The following MACC1 variants were observed in gnomAD, a reference collection of about 807,000 sequenced individuals.
The protein encoded by MACC1 is MET transcriptional regulator MACC1, also known as metastasis-associated in colon cancer protein 1.
Under a neutral mutation model 70.7 loss-of-function variants are expected in MACC1, and 79 were observed. The observed-to-expected ratio is 1.12, with a 90% CI of 0.93 to 1.35. MACC1 has a LOEUF of 1.35. MACC1 is among the 40% of genes most tolerant of loss of function. The pLI, the probability that MACC1 is intolerant of heterozygous loss-of-function variation, is 0.00. For synonymous variants in MACC1, 361 were observed against 347.2 expected (o/e 1.04, Z -0.44); for missense variants, 1,106 against 978.1 (o/e 1.13, Z -1.74).
At chr7:20,147,490 T>C (rs550874767) in intron 6 of MACC1, 1 of 152,356 alleles carries the variant, frequency 6.6e-6, no homozygotes, top group African/African-American at 2.4e-5. Context: ...GCCTTCTTAA[T>C]GATTATTTCA....
intron 6 of MACC1, 94 bp downstream of exon 6, chr7:20,154,099 C>G (rs1459949641): frequency 1.6e-6 from 2 of 1,278,928 alleles, no homozygotes; most frequent in African/African-American, 1.5e-5. Flanking sequence ...GGACATTCCC[C>G]CAGTGAATCC....
rs558644185 is a variant in MACC1, at chr7:20,172,855, TG to T, written c.-217-2078del. 2.0e-3 allele frequency among the ~76,000 whole-genome samples: 306 copies of T among 152,326 alleles called. 1 individual carries two copies. The highest frequency in any genetic ancestry group is 7.1e-3 in the African/African-American group (296 of 41,570). On this transcript the variant is annotated intron_variant, in intron 1 of 6. Transcript: ENST00000400331. ...CTATCTCCTTGCTGAGAGCCTGTGCTGCTCTGGGGAAGCTAGTGGGTTCCTT... is the reference window on the plus strand; with the variant it reads ...CTATCTCCTTGCTGAGAGCCTGTGCTCTCTGGGGAAGCTAGTGGGTTCCTT...
intron 4 of MACC1, among the ~76,000 whole-genome samples, chr7:20,160,880 C>A (rs1290358155): frequency 6.6e-6 from 1 of 151,918 alleles, no homozygotes; most frequent in Non-Finnish European, 1.5e-5. Flanking sequence ...AAAAGGAATT[C>A]ATAAAATGAA....
At chr7:20,177,350 A>T (rs1166159034) in intron 1 of MACC1, among the ~76,000 whole-genome samples, 1 of 152,134 alleles carries the variant, frequency 6.6e-6, no homozygotes, top group African/African-American at 2.4e-5. Context: ...TAACTATTTT[A>T]TACCTGTTTA....
chr7:20,189,770 CACACAT>C (rs1554291005), intron 1 of MACC1, among the ~76,000 whole-genome samples: 1 of 151,860 alleles, frequency 6.6e-6, no homozygotes, highest in Admixed American at 6.6e-5. Context: ...CACACACACA[CACACAT>C]ACACAGAGAG....
In MACC1 at chr7:20,159,549, G is replaced by A. The variant is rs921153768; in HGVS notation, c.812C>T (p.Pro271Leu). Residue 271 changes from proline (P) to leucine (L), a missense_variant, in exon 5 of 7, where the codon CCG becomes CTG. Transcript: ENST00000400331. ...LNHDLSCTVSPLLEIMLGNLN... is the reference protein window; with the variant it reads ...LNHDLSCTVSLLLEIMLGNLN... ...GTTGCCTAACATGATTTCCAACAAC[G>A]GGCTCACAGTGCACGAAAGATCATG... 11 of 1,613,920 alleles carry A rather than the reference G, an allele frequency of 6.8e-6. No homozygotes were observed. The highest frequency in any genetic ancestry group is 5.3e-5 in the African/African-American group (4 of 74,894).
intron 2 of MACC1, among the ~76,000 whole-genome samples, chr7:20,167,605 A>T (rs1456500538): frequency 1.3e-5 from 2 of 151,206 alleles, no homozygotes; most frequent in Non-Finnish European, 2.9e-5. Context: ...AGGATACTAG[A>T]TACTAGCAAA....
In MACC1 at chr7:20,212,660, C is replaced by T. The variant is rs566755806; in HGVS notation, c.-218+4639G>A. ...AATTCCAATCCCACATGATTAACAA[C>T]ATAGTTTCCCTTTTCTGCTTGAAGG... is the stretch of plus-strand genomic sequence containing the variant. On this transcript the variant is annotated intron_variant, in intron 1 of 6. Transcript: ENST00000400331. Among the ~76,000 whole-genome samples the T allele has an allele frequency of 2.9e-4, 44 of 152,118 alleles. 1 individual carries two copies. The highest frequency in any genetic ancestry group is 3.4e-3 in the Middle Eastern group (1 of 294).
rs748424863 is a variant in MACC1, at chr7:20,165,042, C to T, written c.-152-643G>A. ...CATAAAAACCAGGAATGATGCCTTA[C>T]GCAGCTATGACCTTGAAGGATCATA... On this transcript the variant is annotated intron_variant, in intron 2 of 6. Coordinates refer to ENST00000400331, the MANE Select transcript of MACC1 (RefSeq NM_182762.4). 5.9e-5 allele frequency among the ~76,000 whole-genome samples: 9 copies of T among 152,096 alleles called. No homozygotes were observed. The South Asian group carries it at 6.2e-4, about 11-fold the overall frequency.
chr7:20,216,906 C>T (rs1783078835), intron 1 of MACC1, among the ~76,000 whole-genome samples: 1 of 152,164 alleles, frequency 6.6e-6, no homozygotes, highest in Non-Finnish European at 1.5e-5. Flanking sequence ...CTTTATCTAT[C>T]TTCAAAGCAC....
intron 1 of MACC1, among the ~76,000 whole-genome samples, chr7:20,209,292 A>G (rs35817736): frequency 0.017 from 2,605 of 152,348 alleles, 50 homozygotes; most frequent in Non-Finnish European, 0.024. Flanking sequence ...AGCCACAGAC[A>G]ATGCCAGCCT....
chr7:20,189,705 G>A (rs1782643375), intron 1 of MACC1, among the ~76,000 whole-genome samples: 1 of 150,938 alleles, frequency 6.6e-6, no homozygotes, highest in Non-Finnish European at 1.5e-5. Context: ...AGAAAAAATG[G>A]GGAAAAGAGA....
intron 1 of MACC1, among the ~76,000 whole-genome samples, chr7:20,209,272 T>C (rs73278536): frequency 0.088 from 13,391 of 152,298 alleles, 681 homozygotes; most frequent in Non-Finnish European, 0.12. Flanking sequence ...TTGTACCATA[T>C]GCCTGGAAAA....
chr7:20,192,578 G>A (rs1782688964), intron 1 of MACC1, among the ~76,000 whole-genome samples: 1 of 152,096 alleles, frequency 6.6e-6, no homozygotes, highest in Non-Finnish European at 1.5e-5. Context: ...AAGAACTACA[G>A]TCTATATTAG....
At chr7:20,212,198 A>G (rs1783009164) in intron 1 of MACC1, among the ~76,000 whole-genome samples, 1 of 152,240 alleles carries the variant, frequency 6.6e-6, no homozygotes, top group Non-Finnish European at 1.5e-5. Context: ...AGGTGAGTAC[A>G]TAAGTCTTTG....
intron 1 of MACC1, among the ~76,000 whole-genome samples, chr7:20,199,725 G>C (rs899810859): frequency 2.0e-5 from 3 of 152,176 alleles, no homozygotes; most frequent in Non-Finnish European, 2.9e-5. Flanking sequence ...GTGAGTCAAA[G>C]AGTACAGAGT....
rs1366815731 is a variant in MACC1, at chr7:20,159,551, G to T, written c.810C>A (p.Ser270Arg). Reference sequence around the variant, plus strand: ...TGCCTAACATGATTTCCAACAACGGGCTCACAGTGCACGAAAGATCATGGT... The same window carrying T: ...TGCCTAACATGATTTCCAACAACGGTCTCACAGTGCACGAAAGATCATGGT... ...MLNHDLSCTV[S>R]PLLEIMLGNL... Residue 270 changes from serine to arginine, a missense_variant, in exon 5 of 7, where the codon AGC becomes AGA. Ser to Arg is a moderately radical substitution (Grantham distance 110). Coordinates refer to ENST00000400331, the MANE Select transcript of MACC1 (RefSeq NM_182762.4). 6.2e-7 allele frequency: 1 copy of T among 1,613,952 alleles called. No homozygotes were observed. The highest frequency in any genetic ancestry group is 1.1e-5 in the South Asian group (1 of 91,090).
At chr7:20,202,310 C>T (rs1352144916) in intron 1 of MACC1, among the ~76,000 whole-genome samples, 1 of 152,166 alleles carries the variant, frequency 6.6e-6, no homozygotes, top group Non-Finnish European at 1.5e-5. Flanking sequence ...GAAACAGATA[C>T]AAGATTGTGT....
intron 1 of MACC1, among the ~76,000 whole-genome samples, chr7:20,190,644 A>G (rs1782658567): frequency 6.6e-6 from 1 of 152,244 alleles, no homozygotes; most frequent in Admixed American, 6.5e-5. Context: ...TAAAATGGCA[A>G]CAAAGCCAAA....
Sources: gnomAD v4.1 joint callset for allele counts (sites outside exome capture counted in the v4.1 genomes callset) on GRCh38, gnomAD v4.1.1 for gene constraint, MANE v1.5 for transcripts, NCBI Gene and HGNC (gene_info 2026-07-23, HGNC 2026-07-21) for gene names.